The following CCNY variants were observed in gnomAD, a reference collection of about 807,000 sequenced individuals.
The protein encoded by CCNY is cyclin-Y.
A neutral mutation model predicts 42.8 loss-of-function variants in CCNY; 19 were observed. The observed-to-expected ratio is 0.44, with a 90% CI of 0.31 to 0.65. The LOEUF (loss-of-function observed/expected upper bound fraction) is 0.65, where lower values mean the gene tolerates loss of function less well. Among genes scored for constraint, CCNY ranks in the 30% least tolerant of loss-of-function variants. The pLI, the probability that CCNY is intolerant of heterozygous loss-of-function variation, is 0.07. For missense variants in CCNY, 370 were observed against 437.3 expected (o/e 0.85, Z 1.37); for synonymous variants, 165 against 162.7 (o/e 1.01, Z -0.11).
intron 2 of CCNY, among the ~76,000 whole-genome samples, chr10:35,492,321 A>G (rs950453971): frequency 2.0e-5 from 3 of 152,192 alleles, no homozygotes; most frequent in African/African-American, 7.2e-5. Context: ...CCCTCTGTCC[A>G]TGCTGGCCCA....
At chr10:35,448,622 TGA>T (rs962806777) in intron 1 of CCNY, among the ~76,000 whole-genome samples, 3 of 152,042 alleles carry the variant, frequency 2.0e-5, no homozygotes, top group Admixed American at 2.0e-4. Context: ...CTGAAGGATA[TGA>T]GAGCTGAACC....
At chr10:35,552,256 T>TA (rs1186648432) in intron 7 of CCNY, among the ~76,000 whole-genome samples, 5 of 152,320 alleles carry the variant, frequency 3.3e-5, no homozygotes, top group Admixed American at 1.3e-4. Flanking sequence ...GAAGTGATAA[T>TA]AAGCCAGACA....
chr10:35,432,317 A>T (rs1838430942), intron 1 of CCNY, among the ~76,000 whole-genome samples: 1 of 152,188 alleles, frequency 6.6e-6, no homozygotes, highest in South Asian at 2.1e-4. Context: ...GACTGTTGAG[A>T]TGATTAAATG....
chr10:35,353,487 A>G lies in CCNY; in HGVS notation c.154+16280A>G, dbSNP rs111902770. ...TAAGCTATTTTTGTTGAGTATGAGA[A>G]GAAGATAGCCTTCGTAGAATCACAG... On this transcript the variant is annotated intron_variant, in intron 1 of 9. Transcript: ENST00000374704. Among the ~76,000 whole-genome samples the G allele has an allele frequency of 3.4e-3, 513 of 152,318 alleles. 4 individuals carry two copies. The highest frequency in any genetic ancestry group is 0.012 in the African/African-American group (483 of 41,572).
intron 1 of CCNY, among the ~76,000 whole-genome samples, chr10:35,355,986 G>A (rs1416592215): frequency 2.0e-5 from 3 of 151,854 alleles, no homozygotes; most frequent in African/African-American, 4.8e-5. Context: ...CATTTAGTGT[G>A]TTGATAGGGT....
chr10:35,330,382 T>C (rs1450606804), intron 3 of CCNY, among the ~76,000 whole-genome samples: 1 of 152,196 alleles, frequency 6.6e-6, no homozygotes, highest in African/African-American at 2.4e-5. Context: ...CTGCCTACTG[T>C]ATCATTCCAT....
rs1839273473 is a variant in CCNY, at chr10:35,466,545, G to C, written c.155-16859G>C. 2.0e-5 allele frequency among the ~76,000 whole-genome samples: 3 copies of C among 152,158 alleles called. No individual in the cohort carries two copies. In the South Asian group the frequency reaches 6.2e-4, roughly 32 times the overall value. On this transcript the variant is annotated intron_variant, in intron 1 of 9. Transcript: ENST00000374704. ...AGAGTTCTCAGGTGTGTCCGCCTGT[G>C]CCTGTGCTTCTATCAAGCCTCACAC... is the stretch of plus-strand genomic sequence containing the variant.
At chr10:35,565,183 C>T (rs577765456) in intron 8 of CCNY, among the ~76,000 whole-genome samples, 1 of 152,240 alleles carries the variant, frequency 6.6e-6, no homozygotes, top group African/African-American at 2.4e-5. Context: ...TGAATTTCTC[C>T]CAGCATTCCA....
At chr10:35,459,675 T>C (rs541602982) in intron 1 of CCNY, among the ~76,000 whole-genome samples, 11 of 152,256 alleles carry the variant, frequency 7.2e-5, no homozygotes, top group African/African-American at 2.2e-4. Flanking sequence ...CCTCCTAGGT[T>C]AGTAGTAGCG....
At chr10:35,329,048 G>C (rs1312204413) in intron 3 of CCNY, among the ~76,000 whole-genome samples, 1 of 152,150 alleles carries the variant, frequency 6.6e-6, no homozygotes. Context: ...TCCAATTACA[G>C]ATCACAGAAT....
At chr10:35,559,356 G>A (rs1841421518) in intron 8 of CCNY, among the ~76,000 whole-genome samples, 1 of 152,224 alleles carries the variant, frequency 6.6e-6, no homozygotes, top group Non-Finnish European at 1.5e-5. Context: ...CATGCACAGT[G>A]TGGAAGTCAC....
chr10:35,250,543 G>A (rs2095711328), exon 3 of CCNY: 1 of 152,254 alleles, frequency 6.6e-6, no homozygotes. Context: ...GAAAATCTTT[G>A]GAAGAGAAGT....
chr10:35,309,183 T>C (rs372198877), intron 3 of CCNY, among the ~76,000 whole-genome samples: 3 of 151,918 alleles, frequency 2.0e-5, no homozygotes, highest in African/African-American at 7.3e-5. Flanking sequence ...TAAGGAAAAG[T>C]GGCCACAAAG....
chr10:35,556,529 CTATA>C (rs1841365773), intron 8 of CCNY, among the ~76,000 whole-genome samples: 3 of 152,158 alleles, frequency 2.0e-5, no homozygotes, highest in Admixed American at 2.0e-4. Flanking sequence ...CTATAAGACT[CTATA>C]TGTTCTCTGT....
rs900137421 is a variant in CCNY at position 35,480,342 on chromosome 10, G to A, written c.155-3062G>A. On this transcript the variant is annotated intron_variant, in intron 1 of 9. Coordinates refer to ENST00000374704, the MANE Select transcript of CCNY (RefSeq NM_145012.6). The stretch of plus-strand genomic sequence containing the variant: ...GTGTGAGACATAATCCTGCTGCTTG[G>A]CTTCCCCCACAGAGAACAAGTGGTC... 2.6e-5 allele frequency among the ~76,000 whole-genome samples: 4 copies of A among 152,142 alleles called. No individual in the cohort carries two copies. In the East Asian group the frequency reaches 7.7e-4, roughly 29 times the overall value.
chr10:35,450,273 T>G (rs1838887720), intron 1 of CCNY, among the ~76,000 whole-genome samples: 1 of 151,880 alleles, frequency 6.6e-6, no homozygotes, highest in South Asian at 2.1e-4. Context: ...GCTGCTCAAC[T>G]TTGAGAGCAG....
At chr10:35,459,763 G>A (rs1839116695) in intron 1 of CCNY, among the ~76,000 whole-genome samples, 1 of 152,196 alleles carries the variant, frequency 6.6e-6, no homozygotes, top group African/African-American at 2.4e-5. Context: ...GGAGGTTGAG[G>A]AATGGGCAGA....
chr10:35,424,304 G>A (rs952865998), intron 1 of CCNY, among the ~76,000 whole-genome samples: 7 of 152,090 alleles, frequency 4.6e-5, no homozygotes, highest in Middle Eastern at 3.2e-3. Flanking sequence ...TCGGCTCACC[G>A]CAACCTCCAC....
intron 1 of CCNY, among the ~76,000 whole-genome samples, chr10:35,410,132 C>G (rs1352762391): frequency 6.6e-6 from 1 of 152,006 alleles, no homozygotes; most frequent in East Asian, 1.9e-4. Context: ...GAGGAGGGAG[C>G]CAGAGACAGA....
Sources: allele counts gnomAD v4.1 joint callset (sites outside exome capture counted in the v4.1 genomes callset), GRCh38; gene constraint gnomAD v4.1.1; transcripts MANE v1.5; gene names NCBI Gene and HGNC (gene_info 2026-07-23, HGNC 2026-07-21).